ZFPM2: variants seen among roughly 807,000 people sequenced by gnomAD.
ZFPM2 encodes zinc finger protein, FOG family member 2, also known as zinc finger protein ZFPM2.
ZFPM2 carries 20 observed loss-of-function variants against 98.6 expected under a neutral mutation model. The observed-to-expected ratio is 0.20, with a 90% CI of 0.14 to 0.29. The LOEUF is 0.29. Among genes scored for constraint, ZFPM2 ranks in the 10% least tolerant of loss-of-function variants. The pLI is 1.00. For missense variants in ZFPM2, 1,310 were observed against 1,388.6 expected (o/e 0.94, Z 0.90); for synonymous variants, 518 against 502.7 (o/e 1.03, Z -0.41).
At chr8:105,566,369 G>T (rs575540681) in intron 4 of ZFPM2, among the ~76,000 whole-genome samples, 5 of 151,902 alleles carry the variant, frequency 3.3e-5, no homozygotes, top group African/African-American at 1.2e-4. Context: ...GCACAAACTT[G>T]GTGTTTTTGA....
At chr8:105,747,839 T>C (rs1275832970) in intron 5 of ZFPM2, among the ~76,000 whole-genome samples, 1 of 152,098 alleles carries the variant, frequency 6.6e-6, no homozygotes, top group Non-Finnish European at 1.5e-5. Flanking sequence ...TAGTAGCAAA[T>C]GACATTTTCA....
intron 5 of ZFPM2, among the ~76,000 whole-genome samples, chr8:105,764,011 T>C (rs144457051): frequency 1.2e-4 from 18 of 151,922 alleles, no homozygotes; most frequent in South Asian, 2.1e-4. Context: ...ACTTTCAGGA[T>C]CTGGAAATGG....
intron 3 of ZFPM2, among the ~76,000 whole-genome samples, chr8:105,501,232 C>A (rs1011995283): frequency 6.7e-6 from 1 of 148,280 alleles, no homozygotes; most frequent in Non-Finnish European, 1.5e-5. Context: ...GCCCAGGTTG[C>A]AGTGCAGTGG....
intron 1 of ZFPM2, among the ~76,000 whole-genome samples, chr8:105,350,172 T>C (rs539629950): frequency 6.6e-6 from 1 of 152,310 alleles, no homozygotes; most frequent in East Asian, 1.9e-4. Flanking sequence ...CCTACCTCAT[T>C]AGAAATTCTA....
intron 5 of ZFPM2, among the ~76,000 whole-genome samples, chr8:105,775,364 G>T (rs1813079963): frequency 6.6e-6 from 1 of 151,776 alleles, no homozygotes; most frequent in South Asian, 2.1e-4. Context: ...GGCTAGGCAA[G>T]AATGAAAATT....
At chr8:105,431,897 G>A (rs1242577761) in intron 2 of ZFPM2, among the ~76,000 whole-genome samples, 3 of 134,076 alleles carry the variant, frequency 2.2e-5, no homozygotes, top group Admixed American at 8.5e-5. Context: ...TGTTCAGACT[G>A]GGTGACAGAG....
At chr8:105,738,071 A>T (rs985829216) in intron 5 of ZFPM2, among the ~76,000 whole-genome samples, 2 of 151,906 alleles carry the variant, frequency 1.3e-5, no homozygotes, top group Non-Finnish European at 1.5e-5. Flanking sequence ...TTGTTGTATA[A>T]CTAAACTTGT....
intron 1 of ZFPM2, among the ~76,000 whole-genome samples, chr8:105,354,364 T>C (rs1157310915): frequency 6.6e-6 from 1 of 152,232 alleles, no homozygotes; most frequent in African/African-American, 2.4e-5. Flanking sequence ...AGTTCCATTT[T>C]CTTTACTTTT....
At chr8:105,384,214 G>T (rs1230763734) in intron 1 of ZFPM2, among the ~76,000 whole-genome samples, 1 of 152,074 alleles carries the variant, frequency 6.6e-6, no homozygotes, top group African/African-American at 2.4e-5. Flanking sequence ...AGAGAGAAAA[G>T]ATTCCAATTC....
chr8:105,709,717 T>TAATC (rs1338490881), intron 5 of ZFPM2, among the ~76,000 whole-genome samples: 1 of 152,072 alleles, frequency 6.6e-6, no homozygotes, highest in Non-Finnish European at 1.5e-5. Flanking sequence ...ATTAAGTAAA[T>TAATC]AATCATTATT....
At chr8:105,344,172 C>A (rs1314388506) in intron 1 of ZFPM2, among the ~76,000 whole-genome samples, 1 of 152,072 alleles carries the variant, frequency 6.6e-6, no homozygotes, top group African/African-American at 2.4e-5. Context: ...GCCCACAACT[C>A]ATGGGAATTG....
At chr8:105,689,385 T>C (rs1810822068) in intron 5 of ZFPM2, among the ~76,000 whole-genome samples, 1 of 152,226 alleles carries the variant, frequency 6.6e-6, no homozygotes, top group African/African-American at 2.4e-5. Flanking sequence ...GCAGACATAT[T>C]ATTACAATAC....
In ZFPM2 at chr8:105,781,831, C is replaced by T. The variant is rs371670009; in HGVS notation, c.533-6887C>T. On this transcript the variant is annotated intron_variant, in intron 5 of 7. Coordinates refer to ENST00000407775, the MANE Select transcript of ZFPM2 (RefSeq NM_012082.4). ...TCTATCTAATAACTAACTATGTAAC[C>T]TGCCTAATGCTGCTTCATAAATTGA... Among the ~76,000 whole-genome samples, 68 of 152,268 alleles carry T rather than the reference C, an allele frequency of 4.5e-4. 2 individuals are homozygous for T. The South Asian group carries it at 0.014, about 31-fold the overall frequency.
intron 2 of ZFPM2, among the ~76,000 whole-genome samples, chr8:105,421,395 A>G (rs1001780532): frequency 1.3e-5 from 2 of 152,154 alleles, no homozygotes; most frequent in Non-Finnish European, 2.9e-5. Flanking sequence ...GAAGGTCATA[A>G]TGGGTGGGAA....
chr8:105,521,045 G>A (rs572115921), intron 3 of ZFPM2, among the ~76,000 whole-genome samples: 2 of 148,940 alleles, frequency 1.3e-5, no homozygotes, highest in African/African-American at 4.9e-5. Flanking sequence ...AAAAGGATTA[G>A]GATTCAAGAT....
At position 105,381,347 on chromosome 8, in the gene ZFPM2, T is replaced by G. The variant is rs76345844; in HGVS notation, c.41-37797T>G. Among the ~76,000 whole-genome samples, 998 of 152,184 alleles carry G rather than the reference T, an allele frequency of 6.6e-3. 13 individuals carry two copies. The highest frequency in any genetic ancestry group is 0.023 in the African/African-American group (949 of 41,518). ...CCACATTTTCTTTTTCCAGTTTTTT[T>G]GATCACCAATCACAGCTTTAACGTC... On this transcript the variant is annotated intron_variant, in intron 1 of 7. Transcript: ENST00000407775.
chr8:105,756,061 G>A (rs1812588317), intron 5 of ZFPM2, among the ~76,000 whole-genome samples: 1 of 152,104 alleles, frequency 6.6e-6, no homozygotes, highest in South Asian at 2.1e-4. Context: ...TCCTACTATT[G>A]TGTTTCTGGG....
At chr8:105,515,904 A>C (rs113746040) in intron 3 of ZFPM2, among the ~76,000 whole-genome samples, 95 of 145,544 alleles carry the variant, frequency 6.5e-4, no homozygotes, top group African/African-American at 2.3e-3. Flanking sequence ...GAAAGAAAAA[A>C]CAACTTCTTT....
chr8:105,435,098 G>A (rs1812094475), intron 2 of ZFPM2, among the ~76,000 whole-genome samples: 2 of 152,080 alleles, frequency 1.3e-5, no homozygotes, highest in South Asian at 4.1e-4. Context: ...ATTTCCCCGA[G>A]CCATTTATGC....
Sources: gnomAD v4.1 joint callset for allele counts (sites outside exome capture counted in the v4.1 genomes callset) on GRCh38, gnomAD v4.1.1 for gene constraint, MANE v1.5 for transcripts, NCBI Gene and HGNC (gene_info 2026-07-23, HGNC 2026-07-21) for gene names.